Variants in MKRN1 observed in about 807,000 individuals in gnomAD.
MKRN1 encodes the protein makorin ring finger protein 1.
A neutral mutation model predicts 55.5 loss-of-function variants in MKRN1; 9 were observed. The observed-to-expected ratio is 0.16, with a 90% CI of 0.10 to 0.28. The LOEUF (loss-of-function observed/expected upper bound fraction) is 0.28, where lower values mean the gene tolerates loss of function less well. MKRN1 is among the 10% of genes least tolerant of loss of function. The pLI is 1.00. For synonymous variants in MKRN1, 253 were observed against 235.9 expected (o/e 1.07, Z -0.66); for missense variants, 488 against 626.7 (o/e 0.78, Z 2.36).
chr7:140,462,054 G>A (rs1794636119), intron 2 of MKRN1, among the ~76,000 whole-genome samples: 1 of 152,190 alleles, frequency 6.6e-6, no homozygotes, highest in Admixed American at 6.5e-5. Flanking sequence ...GATTTTCAGA[G>A]ACTCACTCTA....
intron 5 of MKRN1, 74 bp from the exon 6 acceptor site, chr7:140,455,974 T>G (rs1794454470): frequency 7.4e-7 from 1 of 1,342,612 alleles, no homozygotes. Context: ...CACCCTGGTG[T>G]GTCGCCTCCA....
At chr7:140,474,896 T>G (rs1015580803) in intron 1 of MKRN1, among the ~76,000 whole-genome samples, 2 of 151,736 alleles carry the variant, frequency 1.3e-5, no homozygotes, top group Non-Finnish European at 2.9e-5. Flanking sequence ...TTTTTGTATT[T>G]TTAGTAGAGA....
intron 2 of MKRN1, among the ~76,000 whole-genome samples, chr7:140,463,888 CA>C (rs1268624733): frequency 6.9e-5 from 10 of 145,438 alleles, no homozygotes; most frequent in East Asian, 2.0e-4. Context: ...GACTCCATCT[CA>C]AAAAAAAAAT....
At position 140,458,928 on chromosome 7, in the gene MKRN1, G is replaced by A. The variant is rs1026332627; in HGVS notation, c.771+79C>T. The A allele has an allele frequency of 2.1e-6, 3 of 1,463,026 alleles. No homozygotes were observed. The African/African-American group carries it at 4.2e-5, about 20-fold the overall frequency. The allele number at this position is 1,463,026 out of a possible 1,614,324, so 90.6% of individuals were successfully genotyped here. On this transcript the variant is annotated intron_variant, in intron 4 of 7. Coordinates refer to ENST00000255977, the MANE Select transcript of MKRN1 (RefSeq NM_013446.4). The stretch of plus-strand genomic sequence containing the variant: ...CATTCAATTCATCAAATGTTTCTCT[G>A]AAATAAACCCACAATGCTGTGAAAG...
At chr7:140,470,737 G>A (rs1794899852) in intron 2 of MKRN1, among the ~76,000 whole-genome samples, 1 of 152,128 alleles carries the variant, frequency 6.6e-6, no homozygotes. Flanking sequence ...CCAACATGAT[G>A]AAACCCTGTC....
At chr7:140,478,718 G>A (rs921523466) in intron 1 of MKRN1, 1 of 153,548 alleles carries the variant, frequency 6.5e-6, no homozygotes, top group East Asian at 1.9e-4. Context: ...CCTCGGCGGG[G>A]TGTCTAGGCC....
At chr7:140,457,870 T>C (rs1172868379) in intron 4 of MKRN1, among the ~76,000 whole-genome samples, 2 of 152,170 alleles carry the variant, frequency 1.3e-5, no homozygotes, top group Non-Finnish European at 2.9e-5. Flanking sequence ...TAGAGATTTA[T>C]CCTGCCTAAA....
At position 140,459,039 on chromosome 7, in the gene MKRN1, T is replaced by C. The variant is rs745327289; in HGVS notation, c.739A>G (p.Met247Val). The part of the protein sequence containing the change: ...DMCGLQVLHP[M>V]DAAQRSQHIK... ...TGCTGCGATCTCTGGGCAGCATCCATTGGATGCAGGACCTGCAGCCCACAC... is the reference window on the plus strand; with the variant it reads ...TGCTGCGATCTCTGGGCAGCATCCACTGGATGCAGGACCTGCAGCCCACAC... Residue 247 changes from methionine to valine, a missense_variant, in exon 4 of 8, where the codon ATG becomes GTG. Met to Val is a conservative substitution (Grantham distance 21, BLOSUM62 1). This residue lies in a region of MKRN1 where 278 missense variants were observed against 406.7 expected (regional missense o/e 0.68). Coordinates refer to ENST00000255977, the MANE Select transcript of MKRN1 (RefSeq NM_013446.4). 1.1e-5 allele frequency: 18 copies of C among 1,613,822 alleles called. No individual in the cohort carries two copies. The Admixed American group carries it at 1.3e-4, about 12-fold the overall frequency.
chr7:140,461,204 T>C (rs1794606263), intron 2 of MKRN1, among the ~76,000 whole-genome samples: 1 of 152,344 alleles, frequency 6.6e-6, no homozygotes, highest in African/African-American at 2.4e-5. Context: ...ATACACAATA[T>C]GTACATTCTT....
rs2272095 is a variant in MKRN1, at chr7:140,459,051, C to G, written c.727G>C (p.Val243Leu). The change falls in exon 4 of 8, where the codon GTC becomes CTC. Residue 243 changes from valine (V) to leucine (L), a missense_variant. Transcript: ENST00000255977. The part of the protein sequence containing the change: ...GDSCDMCGLQ[V>L]LHPMDAAQRS... ...TGGGCAGCATCCATTGGATGCAGGA[C>G]CTGCAGCCCACACATGTCACAAGAA... The G allele has an allele frequency of 0.24, 379,897 of 1,613,812 alleles. 48,460 individuals are homozygous for G. The highest frequency in any genetic ancestry group is 0.27 in the Non-Finnish European group (314,291 of 1,179,788).
intron 2 of MKRN1, among the ~76,000 whole-genome samples, chr7:140,466,101 G>A (rs984934938): frequency 6.6e-6 from 1 of 151,884 alleles, no homozygotes; most frequent in African/African-American, 2.4e-5. Context: ...AAAAAGATAA[G>A]GTTGAAGTTC....
chr7:140,463,664 T>A (rs973748933), intron 2 of MKRN1, among the ~76,000 whole-genome samples: 2 of 151,896 alleles, frequency 1.3e-5, no homozygotes, highest in Non-Finnish European at 2.9e-5. Context: ...GGTGGGCGGA[T>A]CACAAGGTCA....
At chr7:140,477,098 C>CAAAAA (rs35476052) in intron 1 of MKRN1, among the ~76,000 whole-genome samples, 3 of 83,496 alleles carry the variant, frequency 3.6e-5, no homozygotes, top group Admixed American at 1.4e-4. Flanking sequence ...AACTCTGTCT[C>CAAAAA]AAAAAAAAAA....
At chr7:140,456,267 A>G (rs1378444800) in intron 5 of MKRN1, 1 of 1,162,446 alleles carries the variant, frequency 8.6e-7, no homozygotes. Flanking sequence ...TATGAGAACA[A>G]TCTTTAAAGG....
At chr7:140,455,598 T>A in intron 6 of MKRN1, 192 bp downstream of exon 6, 1 of 584,750 alleles carries the variant, frequency 1.7e-6, no homozygotes, top group Admixed American at 3.0e-5. Context: ...CACAGTCCCT[T>A]GGCATGGACC....
intron 2 of MKRN1, among the ~76,000 whole-genome samples, chr7:140,469,602 T>G (rs1370499383): frequency 1.3e-5 from 2 of 151,970 alleles, no homozygotes; most frequent in African/African-American, 4.8e-5. Context: ...GCAAGGATAC[T>G]AAAGTATCCC....
At chr7:140,469,243 G>A (rs930842147) in intron 2 of MKRN1, among the ~76,000 whole-genome samples, 2 of 151,458 alleles carry the variant, frequency 1.3e-5, no homozygotes, top group African/African-American at 2.4e-5. Context: ...GGAGAATGGC[G>A]TGAACCCGGG....
rs1302487953 is a variant in MKRN1 at position 140,453,295 on chromosome 7, T to A, written c.*1222A>T. On this transcript the variant is annotated 3_prime_UTR_variant, in exon 8 of 8. Coordinates refer to ENST00000255977, the MANE Select transcript of MKRN1 (RefSeq NM_013446.4). ...CTTCCAACAACTTAACTTTAGCTAATCTCAGGGATTCCCAAGCCCTCCCTT... is the reference window on the plus strand; with the variant it reads ...CTTCCAACAACTTAACTTTAGCTAAACTCAGGGATTCCCAAGCCCTCCCTT... 2 of 152,552 alleles carry A rather than the reference T, an allele frequency of 1.3e-5. No homozygotes were observed. Among genetic ancestry groups the A allele is most frequent in the Non-Finnish European group, 2.9e-5 (2 of 68,022 alleles). 9.4% of individuals were successfully genotyped at this position (152,552 alleles called of 1,614,324 possible).
rs911058515 is a variant in MKRN1 at position 140,456,248 on chromosome 7, T to C, written c.987-348A>G. 7 of 1,150,742 alleles carry C rather than the reference T, an allele frequency of 6.1e-6. No individual in the cohort carries two copies. The Admixed American group carries it at 1.3e-4, about 22-fold the overall frequency. The allele number at this position is 1,150,742 out of a possible 1,614,324, so 71.3% of individuals were successfully genotyped here. On this transcript the variant is annotated intron_variant, in intron 5 of 7. Coordinates refer to ENST00000255977, the MANE Select transcript of MKRN1 (RefSeq NM_013446.4). ...TTGCTCTGTTTAGATTATGTGGTTT[T>C]TGTTCAGTTATGAGAACAATCTTTA...
Sources: gnomAD v4.1 joint callset for allele counts (sites outside exome capture counted in the v4.1 genomes callset) on GRCh38, gnomAD v4.1.1 for gene constraint, gnomAD v4.1.1 regional missense constraint, MANE v1.5 for transcripts, NCBI Gene and HGNC (gene_info 2026-07-23, HGNC 2026-07-21) for gene names.